PRIM2: variants seen among roughly 807,000 people sequenced by gnomAD.
PRIM2 encodes DNA primase large subunit.
PRIM2 carries 39 observed loss-of-function variants against 67.3 expected under a neutral mutation model. The ratio of observed to expected loss-of-function variants is 0.58; its 90% confidence interval spans 0.45 to 0.76. PRIM2 has a LOEUF of 0.76. Among genes scored for constraint, PRIM2 ranks in the 30% least tolerant of loss-of-function variants. The pLI, the probability that PRIM2 is intolerant of heterozygous loss-of-function variation, is 0.00. For missense variants in PRIM2, 398 were observed against 598.7 expected, an observed-to-expected ratio of 0.66 and a Z score of 3.50; for synonymous variants, 143 against 198.7, an observed-to-expected ratio of 0.72 and a Z score of 2.36.
chr6:57,532,890 T>C (rs1487714723), intron 9 of PRIM2, among the ~76,000 whole-genome samples: 1 of 151,836 alleles, frequency 6.6e-6, no homozygotes, highest in Non-Finnish European at 1.5e-5. Flanking sequence ...AAAGGGATAG[T>C]AGGTTTGATT....
At chr6:57,495,416 GA>G (rs1773981004) in intron 7 of PRIM2, among the ~76,000 whole-genome samples, 1 of 152,182 alleles carries the variant, frequency 6.6e-6, no homozygotes, top group African/African-American at 2.4e-5. Flanking sequence ...TAAGAGAGCA[GA>G]GAAAATTAAG....
At chr6:57,346,662 T>C (rs1768688450) in intron 5 of PRIM2, among the ~76,000 whole-genome samples, 2 of 152,146 alleles carry the variant, frequency 1.3e-5, no homozygotes, top group African/African-American at 4.8e-5. Flanking sequence ...AATCTTTCCC[T>C]CTTTCCTCCA....
chr6:57,269,756 G>C, the PRIM2 span, among the ~76,000 whole-genome samples: 1 of 152,022 alleles, frequency 6.6e-6, no homozygotes, highest in African/African-American at 2.4e-5. Flanking sequence ...GGGTTTTTAC[G>C]GTTTTAGGTC....
At chr6:57,238,596 C>T in the PRIM2 span, among the ~76,000 whole-genome samples, 2 of 152,066 alleles carry the variant, frequency 1.3e-5, no homozygotes, top group African/African-American at 4.8e-5. Flanking sequence ...CACTAAATGC[C>T]CACAAGAGAA....
rs1308399953 is a variant in PRIM2, at chr6:57,606,042, TTAAAA to T, written c.1148-328_1148-324del. Among the ~76,000 whole-genome samples, 247 of 152,368 alleles carry T rather than the reference TTAAAA, an allele frequency of 1.6e-3. 1 individual carries two copies. Among genetic ancestry groups the T allele is most frequent in the African/African-American group, 5.7e-3 (236 of 41,592 alleles). ...GAATATAAGAAGATTGTATAAAGTT[TTAAAA>T]TAAACTATTATGCGGCTATTTTGTG... On this transcript the variant is annotated intron_variant, in intron 11 of 13. Coordinates refer to ENST00000615550, the MANE Select transcript of PRIM2 (RefSeq NM_000947.5).
At chr6:57,609,419 G>A (rs1776623989) in intron 12 of PRIM2, among the ~76,000 whole-genome samples, 2 of 152,084 alleles carry the variant, frequency 1.3e-5, no homozygotes, top group Admixed American at 1.3e-4. Context: ...TGATATTCTG[G>A]TTATAGAAAA....
chr6:57,494,083 T>C (rs1458386257), intron 7 of PRIM2: 6 of 152,232 alleles, frequency 3.9e-5, no homozygotes, highest in Non-Finnish European at 8.8e-5. Flanking sequence ...ATTAAAATGA[T>C]TACTCTTAGG....
At chr6:57,628,811 C>G (rs1776997705) in intron 12 of PRIM2, among the ~76,000 whole-genome samples, 1 of 152,058 alleles carries the variant, frequency 6.6e-6, no homozygotes, top group African/African-American at 2.4e-5. Context: ...CCATAAAGGA[C>G]ATGATTTTGT....
At chr6:57,312,882 A>G (rs1190236276), upstream of PRIM2, among the ~76,000 whole-genome samples, 1 of 152,194 alleles carries the variant, frequency 6.6e-6, no homozygotes, top group Non-Finnish European at 1.5e-5. Flanking sequence ...AGTAGGAGGT[A>G]GGGAATACAT....
chr6:57,491,931 C>A (rs1455134299), intron 7 of PRIM2, among the ~76,000 whole-genome samples: 1 of 152,126 alleles, frequency 6.6e-6, no homozygotes, highest in Non-Finnish European at 1.5e-5. Flanking sequence ...TTCCAGTGTG[C>A]GTGTGGCCCC....
At chr6:57,542,856 G>T (rs1186026796) in intron 10 of PRIM2, among the ~76,000 whole-genome samples, 3 of 144,994 alleles carry the variant, frequency 2.1e-5, no homozygotes, top group Non-Finnish European at 4.5e-5. Flanking sequence ...TTGAACCATT[G>T]TATCTATTTG....
At chr6:57,308,726 C>T in the PRIM2 span, among the ~76,000 whole-genome samples, 167 of 152,212 alleles carry the variant, frequency 1.1e-3, 1 homozygote, top group African/African-American at 3.7e-3. Context: ...AATATTATCT[C>T]ATTGTGGTTT....
chr6:57,278,648 A>G, the PRIM2 span, among the ~76,000 whole-genome samples: 3,094 of 152,284 alleles, frequency 0.02, 102 homozygotes, highest in African/African-American at 0.07. Flanking sequence ...ATAATACACA[A>G]TCAGGACACA....
At chr6:57,485,936 T>TGTGTTGCA (rs1773743056) in intron 7 of PRIM2, among the ~76,000 whole-genome samples, 1 of 152,108 alleles carries the variant, frequency 6.6e-6, no homozygotes, top group African/African-American at 2.4e-5. Flanking sequence ...CATAGGAGTG[T>TGTGTTGCA]GTGTTGCAGG....
At chr6:57,437,918 A>G (rs950932953) in intron 7 of PRIM2, among the ~76,000 whole-genome samples, 8 of 151,964 alleles carry the variant, frequency 5.3e-5, no homozygotes, top group African/African-American at 1.9e-4. Flanking sequence ...TAGCTTCCCC[A>G]AATGCTGGAA....
At chr6:57,239,856 G>A in the PRIM2 span, among the ~76,000 whole-genome samples, 15 of 152,096 alleles carry the variant, frequency 9.9e-5, no homozygotes, top group African/African-American at 3.6e-4. Context: ...TTCTTAATCT[G>A]CAATGTGAAT....
chr6:57,278,701 A>G, the PRIM2 span, among the ~76,000 whole-genome samples: 1 of 152,122 alleles, frequency 6.6e-6, no homozygotes, highest in East Asian at 1.9e-4. Context: ...AGGCATGAAG[A>G]GTACAGTAGA....
At chr6:57,334,396 C>A (rs1375158268) in intron 5 of PRIM2, among the ~76,000 whole-genome samples, 1 of 152,150 alleles carries the variant, frequency 6.6e-6, no homozygotes, top group Non-Finnish European at 1.5e-5. Flanking sequence ...CTTCAGCATA[C>A]TGATTTCATT....
At chr6:57,583,720 T>G (rs1776140351) in intron 10 of PRIM2, among the ~76,000 whole-genome samples, 2 of 152,244 alleles carry the variant, frequency 1.3e-5, no homozygotes, top group African/African-American at 4.8e-5. Context: ...CAAATGGTAT[T>G]TCTAGTTCTA....
Sources: allele counts gnomAD v4.1 joint callset (sites outside exome capture counted in the v4.1 genomes callset), GRCh38; gene constraint gnomAD v4.1.1; transcripts MANE v1.5; gene names NCBI Gene and HGNC (gene_info 2026-07-23, HGNC 2026-07-21).